FAM167B: variants seen among roughly 807,000 people sequenced by gnomAD.
FAM167B encodes protein FAM167B.
FAM167B carries 7 observed loss-of-function variants against 15.4 expected under a neutral mutation model. The observed-to-expected ratio is 0.46, with a 90% CI of 0.26 to 0.86. The LOEUF is 0.86. FAM167B is among the 40% of genes least tolerant of loss of function. The pLI is 0.17. For missense variants in FAM167B, 207 were observed against 208.3 expected (o/e 0.99, Z 0.04); for synonymous variants, 100 against 94.6 (o/e 1.06, Z -0.33).
rs1466120034 is a variant in FAM167B at position 32,248,547 on chromosome 1, G to A, written c.438G>A (p.Arg146=). ...GAGLALAPLL[R]HLGLTRMNIS... is the part of the protein sequence containing the mutation. ...GCCTAGCCCTGGCCCCGCTGCTGCG[G>A]CACCTGGGCCTCACGCGCATGAACA... is the stretch of plus-strand genomic sequence containing the variant. Residue 146 remains arginine (R), a synonymous_variant, in exon 2 of 2, where the codon CGG becomes CGA. Transcript: ENST00000373582. 6.4e-7 allele frequency: 1 copy of A among 1,555,736 alleles called. No homozygotes were observed. Among genetic ancestry groups the A allele is most frequent in the East Asian group, 2.4e-5 (1 of 42,152 alleles).
rs538003360 is a variant in FAM167B, at chr1:32,247,738, G to T, written c.261+56G>T. ...AGGGCCTTCAGGCTGGTCCTCCTTA[G>T]GGTCCAAGACCACAGGCATGGGGAA... On this transcript the variant is annotated intron_variant, in intron 1 of 1. Coordinates refer to ENST00000373582, the MANE Select transcript of FAM167B (RefSeq NM_032648.3). 46 of 1,433,824 alleles carry T rather than the reference G, an allele frequency of 3.2e-5. No individual in the cohort carries two copies. In the East Asian group the frequency reaches 1.2e-3, roughly 36 times the overall value. 88.8% of individuals were successfully genotyped at this position (1,433,824 alleles called of 1,614,324 possible). A position where few individuals can be genotyped will look rare whatever the true frequency, so the allele number is the denominator to read the frequency against.
chr1:32,248,426 C>G lies in FAM167B; in HGVS notation c.317C>G (p.Ala106Gly), dbSNP rs1309905736. The G allele has an allele frequency of 1.2e-6, 2 of 1,601,874 alleles. No individual in the cohort carries two copies. The highest frequency in any genetic ancestry group is 1.7e-5 in the Admixed American group (1 of 58,754). Residue 106 changes from alanine (A) to glycine (G), a missense_variant, in exon 2 of 2, where the codon GCC becomes GGC. Transcript: ENST00000373582. ...QLAGQLLRLR[A>G]QLHRLKMDQA... ...GCAGGGCAGCTGCTGCGGCTGCGGG[C>G]CCAGCTGCACCGACTGAAGATGGAC...
In FAM167B at chr1:32,247,465, A is replaced by G. The variant is rs747534830; in HGVS notation, c.44A>G (p.Asp15Gly). The G allele has an allele frequency of 6.3e-6, 10 of 1,593,030 alleles. No homozygotes were observed. The highest frequency in any genetic ancestry group is 1.8e-5 in the Admixed American group (1 of 57,114). Reference protein sequence around the residue: ...LLKFQAVGEEDEEDEEGESLD... With the variant: ...LLKFQAVGEEGEEDEEGESLD... ...AAATTCCAGGCAGTGGGTGAAGAGG[A>G]CGAGGAGGATGAGGAGGGGGAGAGC... Residue 15 changes from aspartate (D) to glycine (G), a missense_variant, in exon 1 of 2, where the codon GAC (aspartate) becomes GGC (glycine). Physicochemically the swap from Asp to Gly is moderately conservative, Grantham distance 94. Transcript: ENST00000373582.
chr1:32,248,259 GA>G, intron 1 of FAM167B, 111 bp from the exon 2 acceptor site: 1 of 848,792 alleles, frequency 1.2e-6, no homozygotes, highest in Non-Finnish European at 1.8e-6. Context: ...GCTGAGGTGA[GA>G]GGGGGCTGGG....
In FAM167B at chr1:32,247,508, A is replaced by C. The variant is rs759548407; in HGVS notation, c.87A>C (p.Ala29=). Residue 29 remains alanine (A), a synonymous_variant, in exon 1 of 2, where the codon GCA becomes GCC. Transcript: ENST00000373582. The part of the protein sequence containing the change: ...EEGESLDSVK[A]LTAKLQLQTR... ...GGGAGAGCCTGGACTCTGTGAAGGC[A>C]CTGACAGCCAAGCTGCAGCTGCAGA... 2.5e-6 allele frequency: 4 copies of C among 1,608,174 alleles called. No homozygotes were observed. Among genetic ancestry groups the C allele is most frequent in the Non-Finnish European group, 3.4e-6 (4 of 1,177,156 alleles).
In FAM167B at chr1:32,247,479, G is replaced by A; in HGVS notation, c.58G>A (p.Glu20Lys). The A allele has an allele frequency of 6.2e-7, 1 of 1,601,810 alleles. No individual in the cohort carries two copies. The highest frequency in any genetic ancestry group is 8.5e-7 in the Non-Finnish European group (1 of 1,174,232). ...AVGEEDEEDE[E>K]GESLDSVKAL... ...GGGTGAAGAGGACGAGGAGGATGAG[G>A]AGGGGGAGAGCCTGGACTCTGTGAA... is the stretch of plus-strand genomic sequence containing the variant. The change falls in exon 1 of 2, where the codon GAG becomes AAG. Residue 20 changes from glutamate to lysine, a missense_variant. Physicochemically the swap from Glu to Lys is moderately conservative, Grantham distance 56. Coordinates refer to ENST00000373582, the MANE Select transcript of FAM167B (RefSeq NM_032648.3).
In FAM167B at chr1:32,248,445, G is replaced by C; in HGVS notation, c.336G>C (p.Lys112Asn). 1 of 1,606,338 alleles carries C rather than the reference G, an allele frequency of 6.2e-7. No individual in the cohort carries two copies. The highest frequency in any genetic ancestry group is 1.8e-4 in the Middle Eastern group (1 of 5,588). Residue 112 changes from lysine to asparagine, a missense_variant, in exon 2 of 2, where the codon AAG becomes AAC. By Grantham distance (94) the Lys-to-Asn change is moderately conservative (BLOSUM62 0). Transcript: ENST00000373582. ...LRLRAQLHRLKMDQACHLHQE... is the reference protein window; with the variant it reads ...LRLRAQLHRLNMDQACHLHQE... ...TGCGGGCCCAGCTGCACCGACTGAA[G>C]ATGGACCAAGCCTGTCACCTGCACC...
At position 32,247,365 on chromosome 1, in the gene FAM167B, A is replaced by G. The variant is rs1020406675; in HGVS notation, c.-57A>G. 2.7e-6 allele frequency: 4 copies of G among 1,462,294 alleles called. No homozygotes were observed. In the African/African-American group the frequency reaches 5.8e-5, roughly 21 times the overall value. The allele number at this position is 1,462,294 out of a possible 1,614,324, so 90.6% of individuals were successfully genotyped here. ...CCACCTCTCCCTGGGCAATACTGCCAGCCTTTCCCTAATCTCAGAGCTGCA... is the reference window on the plus strand; with the variant it reads ...CCACCTCTCCCTGGGCAATACTGCCGGCCTTTCCCTAATCTCAGAGCTGCA... On this transcript the variant is annotated 5_prime_UTR_variant, in exon 1 of 2. Coordinates refer to ENST00000373582, the MANE Select transcript of FAM167B (RefSeq NM_032648.3).
In FAM167B at chr1:32,247,565, C is replaced by T. The variant is rs1569879435; in HGVS notation, c.144C>T (p.Ala48=). Residue 48 remains alanine (A), a synonymous_variant, in exon 1 of 2, where the codon GCC becomes GCT. Coordinates refer to ENST00000373582, the MANE Select transcript of FAM167B (RefSeq NM_032648.3). ...GGCCCTCATATCTGGAGTGGACAGCCCAGGTCCAGAGCCAGGCCTGGCGCA... is the reference window on the plus strand; with the variant it reads ...GGCCCTCATATCTGGAGTGGACAGCTCAGGTCCAGAGCCAGGCCTGGCGCA... ...TRRPSYLEWT[A]QVQSQAWRRA... 2 of 1,595,714 alleles carry T rather than the reference C, an allele frequency of 1.3e-6. No individual in the cohort carries two copies. Among genetic ancestry groups the T allele is most frequent in the Non-Finnish European group, 1.7e-6 (2 of 1,170,840 alleles).
At chr1:32,248,323 C>A (rs1639435410) in intron 1 of FAM167B, 48 bp from the exon 2 acceptor site, 2 of 1,465,336 alleles carry the variant, frequency 1.4e-6, no homozygotes, top group South Asian at 1.3e-5. Flanking sequence ...AGAAACGGCG[C>A]GCGGCCGAGG....
chr1:32,248,330 G>C, intron 1 of FAM167B, 41 bp from the exon 2 acceptor site: 1 of 1,490,916 alleles, frequency 6.7e-7, no homozygotes, highest in South Asian at 1.3e-5. Flanking sequence ...GCGCGCGGCC[G>C]AGGGCCTGTC....
At chr1:32,247,936 G>A (rs1167563935) in intron 1 of FAM167B, among the ~76,000 whole-genome samples, 1 of 152,222 alleles carries the variant, frequency 6.6e-6, no homozygotes, top group East Asian at 1.9e-4. Context: ...TGGTGTTGGG[G>A]GGTGTGGGGC....
Position 32,247,326 on chromosome 1 carries a change from A to T in FAM167B, c.-96A>T. On this transcript the variant is annotated 5_prime_UTR_variant, in exon 1 of 2. Transcript: ENST00000373582. ...ACACACTCCCTGGCACGCTCTTCTC[A>T]CCCTCAACTTCTGCCACCTCTCCCT... The T allele has an allele frequency of 2.1e-6, 3 of 1,437,338 alleles. No homozygotes were observed. The highest frequency in any genetic ancestry group is 2.8e-6 in the Non-Finnish European group (3 of 1,088,152). The allele number at this position is 1,437,338 out of a possible 1,614,324, so 89.0% of individuals were successfully genotyped here.
Position 32,247,693 on chromosome 1 carries a change from T to TG in FAM167B, c.261+15dup. ...CTCCGACGGGAGCTGGTGAGTCTGG[T>TG]GGGGTGGGCAGCTTTGCCCAGGGCC... On this transcript the variant is annotated intron_variant, in intron 1 of 1. Transcript: ENST00000373582. 1.4e-6 allele frequency: 2 copies of TG among 1,457,876 alleles called. No homozygotes were observed. Among genetic ancestry groups the TG allele is most frequent in the Non-Finnish European group, 1.8e-6 (2 of 1,102,246 alleles). 90.3% of individuals were successfully genotyped at this position (1,457,876 alleles called of 1,614,324 possible). A position where few individuals can be genotyped will look rare whatever the true frequency, so the allele number is the denominator to read the frequency against.
rs1252897748 is a variant in FAM167B, at chr1:32,247,280, C to A, written c.-142C>A. 4 of 1,167,580 alleles carry A rather than the reference C, an allele frequency of 3.4e-6. No homozygotes were observed. The highest frequency in any genetic ancestry group is 3.0e-5 in the Admixed American group (1 of 33,372). The allele number at this position is 1,167,580 out of a possible 1,614,324, so 72.3% of individuals were successfully genotyped here. On this transcript the variant is annotated 5_prime_UTR_variant, in exon 1 of 2. Coordinates refer to ENST00000373582, the MANE Select transcript of FAM167B (RefSeq NM_032648.3). The stretch of plus-strand genomic sequence containing the variant: ...CCCTGGCACATTCAGCCCCCCTAAC[C>A]CACCTTGAACATTGACCACCACACA...
In FAM167B at chr1:32,247,257, C is replaced by G; in HGVS notation, c.-165C>G. 1 of 851,804 alleles carries G rather than the reference C, an allele frequency of 1.2e-6. No individual in the cohort carries two copies. Among genetic ancestry groups the G allele is most frequent in the Non-Finnish European group, 1.7e-6 (1 of 593,522 alleles). 52.8% of individuals were successfully genotyped at this position (851,804 alleles called of 1,614,324 possible). On this transcript the variant is annotated 5_prime_UTR_variant, in exon 1 of 2. Coordinates refer to ENST00000373582, the MANE Select transcript of FAM167B (RefSeq NM_032648.3). Reference sequence around the variant, plus strand: ...TCACACACCCATCTGCTCACTCACCCTGGCACATTCAGCCCCCCTAACCCA... The same window carrying G: ...TCACACACCCATCTGCTCACTCACCGTGGCACATTCAGCCCCCCTAACCCA...
chr1:32,248,278 C>A, intron 1 of FAM167B, 93 bp from the exon 2 acceptor site: 1 of 1,022,564 alleles, frequency 9.8e-7, no homozygotes, highest in Non-Finnish European at 1.4e-6. Context: ...GGGGAGGACA[C>A]AGTCAGTGCA....
intron 1 of FAM167B, 144 bp downstream of exon 1, chr1:32,247,826 G>A: frequency 1.4e-6 from 1 of 699,684 alleles, no homozygotes; most frequent in Non-Finnish European, 2.2e-6. Flanking sequence ...TGAGGAGCCG[G>A]GAATGGACTT....
chr1:32,247,740 G>A, intron 1 of FAM167B, 58 bp downstream of exon 1: 1 of 1,418,780 alleles, frequency 7.0e-7, no homozygotes, highest in Non-Finnish European at 9.3e-7. Context: ...CCTCCTTAGG[G>A]TCCAAGACCA....
Sources: allele counts gnomAD v4.1 joint callset (sites outside exome capture counted in the v4.1 genomes callset), GRCh38; gene constraint gnomAD v4.1.1; transcripts MANE v1.5; gene names NCBI Gene and HGNC (gene_info 2026-07-23, HGNC 2026-07-21).